PCDHGC3: variants seen among roughly 807,000 people sequenced by gnomAD.
The protein encoded by PCDHGC3 is protocadherin gamma-C3.
Under a neutral mutation model 59.2 loss-of-function variants are expected in PCDHGC3, and 26 were observed. That is an observed-to-expected ratio of 0.44 (90% CI 0.32 to 0.61). The LOEUF (loss-of-function observed/expected upper bound fraction) is 0.61, where lower values mean the gene tolerates loss of function less well. PCDHGC3 is among the 20% of genes least tolerant of loss of function. The pLI, the probability that PCDHGC3 is intolerant of heterozygous loss-of-function variation, is 0.05. For synonymous variants in PCDHGC3, 487 were observed against 519.7 expected (o/e 0.94, Z 0.86); for missense variants, 1,080 against 1,221.8 (o/e 0.88, Z 1.73).
intron 2 of PCDHGC3, among the ~76,000 whole-genome samples, chr5:141,497,893 C>T (rs1194262199): frequency 6.6e-6 from 1 of 152,132 alleles, no homozygotes; most frequent in Non-Finnish European, 1.5e-5. Flanking sequence ...GGATCTAGTC[C>T]AGTAACTTCA....
At chr5:141,499,399 C>A (rs2099791676) in intron 2 of PCDHGC3, among the ~76,000 whole-genome samples, 1 of 152,072 alleles carries the variant, frequency 6.6e-6, no homozygotes, top group Non-Finnish European at 1.5e-5. Flanking sequence ...ATAGTACATG[C>A]TCATTATAGA....
At chr5:141,501,366 T>G (rs1297210978) in intron 2 of PCDHGC3, among the ~76,000 whole-genome samples, 1 of 150,672 alleles carries the variant, frequency 6.6e-6, no homozygotes, top group Non-Finnish European at 1.5e-5. Flanking sequence ...ACCATATTCA[T>G]CATCTCTTAA....
intron 2 of PCDHGC3, among the ~76,000 whole-genome samples, chr5:141,500,939 G>T (rs2099804123): frequency 6.6e-6 from 1 of 151,680 alleles, no homozygotes; most frequent in South Asian, 2.1e-4. Context: ...CGCCATCTCG[G>T]CTCACTGCAA....
chr5:141,497,832 G>C (rs1326640712), intron 2 of PCDHGC3, among the ~76,000 whole-genome samples: 1 of 151,992 alleles, frequency 6.6e-6, no homozygotes, highest in East Asian at 1.9e-4. Context: ...GATCGCCCCC[G>C]GCCACAACAA....
At chr5:141,484,061 G>A (rs570687480) in intron 1 of PCDHGC3, among the ~76,000 whole-genome samples, 8 of 152,124 alleles carry the variant, frequency 5.3e-5, no homozygotes, top group Non-Finnish European at 1.0e-4. Context: ...CTGGGGCTAA[G>A]TGAAAAGCTT....
Position 141,493,836 on chromosome 5 carries a change from A to G in PCDHGC3, c.2431-971A>G, listed in dbSNP as rs1411929024. Among the ~76,000 whole-genome samples the G allele has an allele frequency of 6.6e-6, 1 of 152,194 alleles. No individual in the cohort carries two copies. Among genetic ancestry groups the G allele is most frequent in the Non-Finnish European group, 1.5e-5 (1 of 68,038 alleles). On this transcript the variant is annotated intron_variant, in intron 1 of 3. Transcript: ENST00000308177. This position sits in a 1 kb window ranked among gnomAD's most constrained non-coding sequence, Gnocchi z 4.3. ...ACACTCTCTGCTTCTGGGAGCAAGT[A>G]TGAGTATTAATTACCAGCCCACCCC...
At position 141,485,348 on chromosome 5, in the gene PCDHGC3, C is replaced by A; in HGVS notation, c.2430+6802C>A. ...AGATTTCCTGCTGGATACGGACAGT[C>A]TGTCAGCTCGCAGGCTGCAGGTCGC... On this transcript the variant is annotated intron_variant, in intron 1 of 3. Coordinates refer to ENST00000308177, the MANE Select transcript of PCDHGC3 (RefSeq NM_002588.4). This position sits in a 1 kb window ranked among gnomAD's most constrained non-coding sequence, Gnocchi z 5.7. 6.2e-7 allele frequency: 1 copy of A among 1,614,146 alleles called. No individual in the cohort carries two copies. Among genetic ancestry groups the A allele is most frequent in the Non-Finnish European group, 8.5e-7 (1 of 1,180,008 alleles).
At chr5:141,498,669 C>T (rs774292307) in intron 2 of PCDHGC3, among the ~76,000 whole-genome samples, 29 of 152,156 alleles carry the variant, frequency 1.9e-4, no homozygotes, top group African/African-American at 6.0e-4. Flanking sequence ...TGGTGGCTCA[C>T]GCCTGTAATC....
At chr5:141,484,966 G>A in intron 1 of PCDHGC3, 1 of 583,968 alleles carries the variant, frequency 1.7e-6, no homozygotes. Context: ...GAGCCCGGGA[G>A]CCGCTGTCTG....
Position 141,511,201 on chromosome 5 carries a change from G to A in PCDHGC3, c.*28G>A, listed in dbSNP as rs2099883661. On this transcript the variant is annotated 3_prime_UTR_variant, in exon 4 of 4. Transcript: ENST00000308177. ...TGGAGGCCAGGCCAAGAGCCACAGG[G>A]CGGCCTCTCCCCAACCAGCCCAGCT... 2 of 1,612,600 alleles carry A rather than the reference G, an allele frequency of 1.2e-6. No homozygotes were observed. The highest frequency in any genetic ancestry group is 1.7e-6 in the Non-Finnish European group (2 of 1,179,344).
At position 141,476,946 on chromosome 5, in the gene PCDHGC3, G is replaced by A; in HGVS notation, c.830G>A (p.Gly277Asp). ...LATDLDEGPNGEIIYSFGSHN... is the reference protein window; with the variant it reads ...LATDLDEGPNDEIIYSFGSHN... ...ACGGATCTGGATGAAGGCCCCAACG[G>A]TGAAATTATTTACTCCTTCGGCAGC... Residue 277 changes from glycine to aspartate, a missense_variant, in exon 1 of 4, where the codon GGT becomes GAT. Physicochemically the swap from Gly to Asp is moderately conservative, Grantham distance 94 (BLOSUM62 -1). Transcript: ENST00000308177. The surrounding 1 kb of genome is among the most constrained non-coding windows in gnomAD (Gnocchi z 7.6). The A allele has an allele frequency of 6.2e-7, 1 of 1,614,206 alleles. No individual in the cohort carries two copies. Among genetic ancestry groups the A allele is most frequent in the Non-Finnish European group, 8.5e-7 (1 of 1,180,044 alleles).
chr5:141,505,089 G>A (rs1562219081), intron 2 of PCDHGC3, among the ~76,000 whole-genome samples: 1 of 152,208 alleles, frequency 6.6e-6, no homozygotes, highest in Non-Finnish European at 1.5e-5. Context: ...TTGAACCCAG[G>A]AGGTGGATGT....
intron 2 of PCDHGC3, among the ~76,000 whole-genome samples, chr5:141,504,259 G>A (rs1325093588): frequency 6.6e-6 from 1 of 152,126 alleles, no homozygotes; most frequent in Non-Finnish European, 1.5e-5. Flanking sequence ...TTATGGTTTA[G>A]TATTTTTTTA....
chr5:141,494,909 T>G (rs764123148), intron 2 of PCDHGC3, 44 bp downstream of exon 2: 1 of 1,614,042 alleles, frequency 6.2e-7, no homozygotes, highest in Admixed American at 1.7e-5. Flanking sequence ...CTGCGGCATT[T>G]TCTCAGGGAT....
Position 141,491,013 on chromosome 5 carries a change from G to C in PCDHGC3, c.2431-3794G>C. ...CTCCTCCTGGCTCCTTGGTCACCAA[G>C]GTGACAGCCGTGGATGCTGATGCAG... On this transcript the variant is annotated intron_variant, in intron 1 of 3. Transcript: ENST00000308177. The surrounding 1 kb of genome is among the most constrained non-coding windows in gnomAD (Gnocchi z 6.9). 6.2e-7 allele frequency: 1 copy of C among 1,614,144 alleles called. No homozygotes were observed. Among genetic ancestry groups the C allele is most frequent in the Non-Finnish European group, 8.5e-7 (1 of 1,180,040 alleles).
chr5:141,487,608 G>A lies in PCDHGC3; in HGVS notation c.2431-7199G>A, dbSNP rs970411391. On this transcript the variant is annotated intron_variant, in intron 1 of 3. Coordinates refer to ENST00000308177, the MANE Select transcript of PCDHGC3 (RefSeq NM_002588.4). The surrounding 1 kb of genome is among the most constrained non-coding windows in gnomAD (Gnocchi z 5.0). ...TGCCCACCCTCTGATCTTCTCTATG[G>A]GCTAGAGGTGAGACCTTTGCAGGCT... 1 of 1,614,182 alleles carries A rather than the reference G, an allele frequency of 6.2e-7. No individual in the cohort carries two copies. Among genetic ancestry groups the A allele is most frequent in the African/African-American group, 1.3e-5 (1 of 75,050 alleles).
chr5:141,500,444 C>T (rs1032064705), intron 2 of PCDHGC3, among the ~76,000 whole-genome samples: 3 of 151,370 alleles, frequency 2.0e-5, no homozygotes, highest in African/African-American at 4.9e-5. Context: ...CTCCTGACCT[C>T]GTGATCCGCC....
At chr5:141,497,956 C>T (rs2099780659) in intron 2 of PCDHGC3, among the ~76,000 whole-genome samples, 1 of 152,214 alleles carries the variant, frequency 6.6e-6, no homozygotes, top group African/African-American at 2.4e-5. Flanking sequence ...TTCTGTTGGC[C>T]AGGCAGTGTT....
chr5:141,490,051 G>A lies in PCDHGC3; in HGVS notation c.2431-4756G>A, dbSNP rs779280988. The A allele has an allele frequency of 6.2e-6, 10 of 1,614,094 alleles. No homozygotes were observed. Among genetic ancestry groups the A allele is most frequent in the Admixed American group, 5.0e-5 (3 of 60,012 alleles). ...CCGCCTCAATGCCACTGATCCAGAC[G>A]AGGGCACCAACGGCCAACTAGACTA... On this transcript the variant is annotated intron_variant, in intron 1 of 3. Coordinates refer to ENST00000308177, the MANE Select transcript of PCDHGC3 (RefSeq NM_002588.4). The surrounding 1 kb of genome is among the most constrained non-coding windows in gnomAD (Gnocchi z 5.4).
Sources: allele counts gnomAD v4.1 joint callset (sites outside exome capture counted in the v4.1 genomes callset), GRCh38; gene constraint gnomAD v4.1.1; non-coding constraint Gnocchi (gnomAD v3.1); transcripts MANE v1.5; gene names NCBI Gene and HGNC (gene_info 2026-07-23, HGNC 2026-07-21).